Variants in RPGRIP1L observed in about 807,000 individuals in gnomAD.
RPGRIP1L encodes the protein protein fantom.
RPGRIP1L carries 131 observed loss-of-function variants against 160.4 expected under a neutral mutation model. The ratio of observed to expected loss-of-function variants is 0.82; its 90% CI spans 0.71 to 0.94. The LOEUF is 0.94. Ranked by LOEUF, RPGRIP1L falls within the 40% of genes least tolerant of loss-of-function variation. The pLI is 0.00. For missense variants in RPGRIP1L, 1,522 were observed against 1,535.8 expected, an observed-to-expected ratio of 0.99 and a Z score of 0.15; for synonymous variants, 510 against 515.8, an observed-to-expected ratio of 0.99 and a Z score of 0.15.
Position 53,652,968 on chromosome 16 carries a change from G to A in RPGRIP1L, c.1719C>T (p.Ala573=), listed in dbSNP as rs375774377. The A allele has an allele frequency of 6.9e-5, 111 of 1,612,942 alleles. No individual in the cohort carries two copies. The highest frequency in any genetic ancestry group is 5.5e-5 in the South Asian group (5 of 91,054). Residue 573 remains alanine, a synonymous_variant, in exon 15 of 27, where the codon GCC becomes GCT. Coordinates refer to ENST00000647211, the MANE Select transcript of RPGRIP1L (RefSeq NM_015272.5). ...TAAATTTGTACTGCTTGGTGCCATA[G>A]GCAATATCCTTTAATTGGGCTGCAA... is the stretch of plus-strand genomic sequence containing the variant. The part of the protein sequence containing the change: ...HKLEAQLKDI[A]YGTKQYKFKP...
chr16:53,671,086 C>T (rs908340585), intron 9 of RPGRIP1L, among the ~76,000 whole-genome samples: 4 of 151,942 alleles, frequency 2.6e-5, no homozygotes, highest in African/African-American at 9.7e-5. Flanking sequence ...GACTGAGACA[C>T]TGTCTCAAAA....
chr16:53,678,608 A>G (rs924780218), intron 6 of RPGRIP1L, among the ~76,000 whole-genome samples: 1 of 152,162 alleles, frequency 6.6e-6, no homozygotes, highest in Non-Finnish European at 1.5e-5. Flanking sequence ...GAAAGCTAAA[A>G]AAAAGCTTCC....
chr16:53,631,266 T>G (rs1480013408), intron 22 of RPGRIP1L, among the ~76,000 whole-genome samples: 1 of 152,218 alleles, frequency 6.6e-6, no homozygotes, highest in Non-Finnish European at 1.5e-5. Context: ...GAATGCCAGC[T>G]CATTGTTCAG....
rs1327679496 is a variant in RPGRIP1L, at chr16:53,692,105, C to T, written c.490G>A (p.Ala164Thr). The change falls in exon 4 of 27, where the codon GCA (alanine) becomes ACA (threonine). Residue 164 changes from alanine (A) to threonine (T), a missense_variant. By Grantham distance (58) the Ala-to-Thr change is moderately conservative (BLOSUM62 0). Coordinates refer to ENST00000647211, the MANE Select transcript of RPGRIP1L (RefSeq NM_015272.5). ...TCCTGTAAACCAGCATTTTCATTTG[C>T]TTTTCTACGCCCAGTGTTAATACGA... ...QSRINTGRRK[A>T]NENAGLQECP... 3 of 1,613,794 alleles carry T rather than the reference C, an allele frequency of 1.9e-6. No homozygotes were observed. The Admixed American group carries it at 5.0e-5, about 27-fold the overall frequency.
chr16:53,622,297 G>C lies in RPGRIP1L; in HGVS notation c.3354C>G (p.Phe1118Leu), dbSNP rs1443552550. 1 of 655,306 alleles carries C rather than the reference G, an allele frequency of 1.5e-6. No individual in the cohort carries two copies. The highest frequency in any genetic ancestry group is 1.8e-5 in the African/African-American group (1 of 55,384). 40.6% of individuals were successfully genotyped at this position (655,306 alleles called of 1,614,324 possible). Reference sequence around the variant, plus strand: ...GAAAATCGCTGGAACCCGGGAGGCGGAAGTTGCAGTGAGCTGAGATCGCGC... The same window carrying C: ...GAAAATCGCTGGAACCCGGGAGGCGCAAGTTGCAGTGAGCTGAGATCGCGC... Reference protein sequence around the residue: ...CSSAISAHCNFRLPGSSDFPA... With the variant: ...CSSAISAHCNLRLPGSSDFPA... Residue 1118 changes from phenylalanine to leucine, a missense_variant, in exon 23 of 27, where the codon TTC (phenylalanine) becomes TTG (leucine). Physicochemically the swap from Phe to Leu is conservative, Grantham distance 22. Coordinates refer to ENST00000647211, the MANE Select transcript of RPGRIP1L (RefSeq NM_015272.5).
rs1364497114 is a variant in RPGRIP1L at position 53,599,164 on chromosome 16, CCACATGTCTTCATAA to C, written c.*2897_*2911del. 1 of 152,126 alleles carries C rather than the reference CCACATGTCTTCATAA, an allele frequency of 6.6e-6. No individual in the cohort carries two copies. The highest frequency in any genetic ancestry group is 1.5e-5 in the Non-Finnish European group (1 of 68,024). 9.4% of individuals were successfully genotyped at this position (152,126 alleles called of 1,614,324 possible). A position where few individuals can be genotyped will look rare whatever the true frequency, so the allele number is the denominator to read the frequency against. On this transcript the variant is annotated 3_prime_UTR_variant, in exon 27 of 27. Coordinates refer to ENST00000647211, the MANE Select transcript of RPGRIP1L (RefSeq NM_015272.5). ...TCCAATCACATGACCACTTCTCAGC[CCACATGTCTTCATAA>C]CACATAGAAATTATTTGTGTTTTGT...
intron 24 of RPGRIP1L, among the ~76,000 whole-genome samples, chr16:53,618,767 G>A (rs1964534031): frequency 6.6e-6 from 1 of 151,942 alleles, no homozygotes; most frequent in Admixed American, 6.6e-5. Context: ...GGCTGGTCTG[G>A]AACTCCAGAG....
In RPGRIP1L at chr16:53,619,084, G is replaced by A. The variant is rs577541989; in HGVS notation, c.3557C>T (p.Thr1186Ile). ...CRFYSLPAEE[T>I]PVSLPKPKSG... is the part of the protein sequence containing the mutation. The stretch of plus-strand genomic sequence containing the variant: ...CTTGGGTTTTGGAAGTGACACGGGT[G>A]TCTCTTCAGCAGGAAGACTGTAGAA... The change falls in exon 24 of 27, where the codon ACA (threonine) becomes ATA (isoleucine). Residue 1186 changes from threonine (T) to isoleucine (I), a missense_variant. Thr to Ile is a moderately conservative substitution (Grantham distance 89). Coordinates refer to ENST00000647211, the MANE Select transcript of RPGRIP1L (RefSeq NM_015272.5). 1.2e-6 allele frequency: 2 copies of A among 1,614,068 alleles called. No individual in the cohort carries two copies. The highest frequency in any genetic ancestry group is 2.2e-5 in the South Asian group (2 of 91,084).
At chr16:53,613,420 C>T (rs1359094527) in intron 24 of RPGRIP1L, among the ~76,000 whole-genome samples, 2 of 151,980 alleles carry the variant, frequency 1.3e-5, no homozygotes, top group Admixed American at 1.3e-4. Context: ...ACTGATCCTC[C>T]CACCTTAGCC....
chr16:53,667,643 T>G (rs1285532757), intron 9 of RPGRIP1L, among the ~76,000 whole-genome samples: 1 of 152,032 alleles, frequency 6.6e-6, no homozygotes, highest in African/African-American at 2.4e-5. Flanking sequence ...GAGGCCGAGG[T>G]GGGCAGATCA....
intron 22 of RPGRIP1L, among the ~76,000 whole-genome samples, chr16:53,632,361 ATAGAG>A (rs1042846738): frequency 1.3e-5 from 2 of 152,362 alleles, no homozygotes; most frequent in Admixed American, 1.3e-4. Context: ...AGGGATAACT[ATAGAG>A]TAGGGTTATC....
chr16:53,686,293 G>A (rs922912394), intron 6 of RPGRIP1L, 140 bp downstream of exon 6: 11 of 928,082 alleles, frequency 1.2e-5, no homozygotes, highest in East Asian at 1.1e-4. Flanking sequence ...TTAGTAGGTC[G>A]AGCATAGGCT....
intron 3 of RPGRIP1L, chr16:53,694,640 A>G (rs1970619490): frequency 6.6e-6 from 1 of 151,910 alleles, no homozygotes; most frequent in South Asian, 2.1e-4. Context: ...ACCTCCGAGT[A>G]GCTAGGATTA....
At chr16:53,678,643 T>C (rs1005995537) in intron 6 of RPGRIP1L, among the ~76,000 whole-genome samples, 4 of 151,918 alleles carry the variant, frequency 2.6e-5, no homozygotes, top group Admixed American at 1.3e-4. Flanking sequence ...AAAAATGTCA[T>C]AGTATTTAAC....
In RPGRIP1L at chr16:53,645,606, T is replaced by C. The variant is rs1302590144; in HGVS notation, c.2683+19A>G. The stretch of plus-strand genomic sequence containing the variant: ...TGTTTTGTTTTTACAATTTTATAGA[T>C]TCAAAAACATAGGCTTACCTGAGAT... On this transcript the variant is annotated intron_variant, in intron 17 of 26. Coordinates refer to ENST00000647211, the MANE Select transcript of RPGRIP1L (RefSeq NM_015272.5). 1 of 1,609,140 alleles carries C rather than the reference T, an allele frequency of 6.2e-7. No homozygotes were observed. The highest frequency in any genetic ancestry group is 8.5e-7 in the Non-Finnish European group (1 of 1,178,600).
intron 25 of RPGRIP1L, among the ~76,000 whole-genome samples, chr16:53,606,031 A>T (rs1286379531): frequency 6.6e-6 from 1 of 152,212 alleles, no homozygotes; most frequent in Non-Finnish European, 1.5e-5. Context: ...ATAGAAACAC[A>T]CAACTCTGGA....
intron 3 of RPGRIP1L, chr16:53,695,389 C>T: frequency 1.4e-6 from 1 of 702,980 alleles, no homozygotes; most frequent in Admixed American, 2.0e-5. Flanking sequence ...GAACCACCTC[C>T]TTAGGATGGA....
chr16:53,674,897 C>A (rs562304433), intron 7 of RPGRIP1L, 120 bp downstream of exon 7: 2 of 676,948 alleles, frequency 3.0e-6, no homozygotes, highest in Non-Finnish European at 5.2e-6. Flanking sequence ...ATACAAAGAA[C>A]AATCCTTCAA....
chr16:53,697,784 C>A, intron 2 of RPGRIP1L, among the ~76,000 whole-genome samples: 1 of 152,092 alleles, frequency 6.6e-6, no homozygotes, highest in East Asian at 1.9e-4. Context: ...CGGCCGCCAC[C>A]CCGTCTAGGA....
Sources: allele counts gnomAD v4.1 joint callset (sites outside exome capture counted in the v4.1 genomes callset), GRCh38; gene constraint gnomAD v4.1.1; transcripts MANE v1.5; gene names NCBI Gene and HGNC (gene_info 2026-07-23, HGNC 2026-07-21).